UBR1: variants seen among roughly 807,000 people sequenced by gnomAD.
UBR1 encodes ubiquitin protein ligase E3 component n-recognin 1.
UBR1 carries 102 observed loss-of-function variants against 242.1 expected under a neutral mutation model. That is an observed-to-expected ratio of 0.42 (90% CI 0.36 to 0.50). The LOEUF is 0.50. Among genes scored for constraint, UBR1 ranks in the 20% least tolerant of loss-of-function variants. The pLI, the probability that UBR1 is intolerant of heterozygous loss-of-function variation, is 0.01. For missense variants in UBR1, 1,772 were observed against 2,101.8 expected (o/e 0.84, Z 3.07); for synonymous variants, 675 against 684.8 (o/e 0.99, Z 0.22).
intron 39 of UBR1, among the ~76,000 whole-genome samples, chr15:42,974,071 G>A (rs548965553): frequency 9.6e-4 from 146 of 151,896 alleles, no homozygotes; most frequent in African/African-American, 3.3e-3. Context: ...TGTATTTTTA[G>A]TAGAGACCGT....
intron 38 of UBR1, 100 bp from the exon 39 acceptor site, chr15:42,976,967 TTGTG>T (rs958989544): frequency 1.9e-5 from 25 of 1,285,962 alleles, no homozygotes; most frequent in African/African-American, 1.5e-4. Context: ...TACACAGTGT[TTGTG>T]TGTGTGTTTT....
intron 44 of UBR1, among the ~76,000 whole-genome samples, chr15:42,956,648 T>C (rs1366662297): frequency 6.6e-6 from 1 of 152,172 alleles, no homozygotes; most frequent in Non-Finnish European, 1.5e-5. Context: ...TTTGGAACTC[T>C]GGAGCCTGGT....
chr15:42,989,231 A>G (rs568229223), intron 34 of UBR1, among the ~76,000 whole-genome samples: 1 of 152,384 alleles, frequency 6.6e-6, no homozygotes, highest in Non-Finnish European at 1.5e-5. Context: ...TAAAAGATGC[A>G]GCAAATGCTC....
intron 29 of UBR1, among the ~76,000 whole-genome samples, chr15:43,010,902 A>C (rs2141292429): frequency 6.6e-6 from 1 of 151,922 alleles, no homozygotes; most frequent in Admixed American, 6.6e-5. Context: ...AGAAGGGAGA[A>C]TCGCTTGAAC....
intron 32 of UBR1, among the ~76,000 whole-genome samples, chr15:42,998,481 C>T (rs747907944): frequency 3.9e-5 from 6 of 152,150 alleles, no homozygotes; most frequent in Non-Finnish European, 5.9e-5. Context: ...ACCCACATGC[C>T]AATCACCCAC....
intron 1 of UBR1, among the ~76,000 whole-genome samples, chr15:43,088,067 CTG>C (rs1173046388): frequency 6.6e-6 from 1 of 152,202 alleles, no homozygotes; most frequent in African/African-American, 2.4e-5. Context: ...TTAGCGTTCA[CTG>C]TGTTAACTTT....
intron 39 of UBR1, 70 bp downstream of exon 39, chr15:42,976,647 G>T: frequency 6.5e-7 from 1 of 1,547,826 alleles, no homozygotes; most frequent in South Asian, 1.1e-5. Flanking sequence ...ATAATCACAA[G>T]AATAATTAAT....
chr15:42,997,695 T>C (rs981966739), intron 33 of UBR1, among the ~76,000 whole-genome samples: 7 of 152,254 alleles, frequency 4.6e-5, no homozygotes, highest in African/African-American at 1.4e-4. Flanking sequence ...ATGGCTAACA[T>C]GTAGCACTTA....
Position 42,950,244 on chromosome 15 carries a change from A to C in UBR1, c.5108+18T>G. The C allele has an allele frequency of 1.2e-6, 2 of 1,603,670 alleles. No individual in the cohort carries two copies. The highest frequency in any genetic ancestry group is 1.7e-6 in the Non-Finnish European group (2 of 1,170,490). The stretch of plus-strand genomic sequence containing the variant: ...GAGAACTTACTGAAACCTTCCTATT[A>C]TATAAAAAAAATCTTACTTCAGGCC... On this transcript the variant is annotated intron_variant, in intron 46 of 46. Transcript: ENST00000290650.
chr15:43,021,635 C>T (rs2141302611), intron 26 of UBR1, among the ~76,000 whole-genome samples: 1 of 151,998 alleles, frequency 6.6e-6, no homozygotes, highest in Non-Finnish European at 1.5e-5. Flanking sequence ...GGAATAATGA[C>T]AAGAAAAAAA....
At chr15:43,069,052 T>G (rs1039904356) in intron 5 of UBR1, among the ~76,000 whole-genome samples, 1 of 152,224 alleles carries the variant, frequency 6.6e-6, no homozygotes, top group Non-Finnish European at 1.5e-5. Flanking sequence ...GTGATACTGG[T>G]ATTAATGTAC....
chr15:43,062,818 A>C (rs2033704850), intron 6 of UBR1, among the ~76,000 whole-genome samples: 2 of 152,266 alleles, frequency 1.3e-5, no homozygotes, highest in South Asian at 2.1e-4. Context: ...CAGTGTTTTT[A>C]AAATACGTGG....
At position 43,077,139 on chromosome 15, in the gene UBR1, G is replaced by A. The variant is rs1225794763; in HGVS notation, c.418-2050C>T. On this transcript the variant is annotated intron_variant, in intron 3 of 46. Coordinates refer to ENST00000290650, the MANE Select transcript of UBR1 (RefSeq NM_174916.3). ...AGCCCCTCTGCCCGGCCACGACCCC[G>A]TCTGGGAGGTGTGCCCAGCGGCTCA... is the stretch of plus-strand genomic sequence containing the variant. 3.4e-5 allele frequency among the ~76,000 whole-genome samples: 5 copies of A among 145,654 alleles called. No individual in the cohort carries two copies. The East Asian group carries it at 8.6e-4, about 25-fold the overall frequency.
At chr15:42,968,305 A>T (rs2032145209) in intron 40 of UBR1, among the ~76,000 whole-genome samples, 1 of 152,124 alleles carries the variant, frequency 6.6e-6, no homozygotes, top group South Asian at 2.1e-4. Flanking sequence ...TTTACTTCAA[A>T]GTAAAATCAT....
chr15:42,958,128 A>G (rs1487523991), intron 43 of UBR1, 38 bp from the exon 44 acceptor site: 1 of 1,495,920 alleles, frequency 6.7e-7, no homozygotes, highest in Non-Finnish European at 9.3e-7. Context: ...ATTTTAGAGT[A>G]AATAACCCCA....
intron 6 of UBR1, among the ~76,000 whole-genome samples, chr15:43,066,045 C>T (rs2033748693): frequency 6.6e-6 from 1 of 152,074 alleles, no homozygotes; most frequent in Non-Finnish European, 1.5e-5. Flanking sequence ...TTTGCCCATG[C>T]CTATGGTCCT....
In UBR1 at chr15:43,060,034, C is replaced by A. The variant is rs201531432; in HGVS notation, c.861+18G>T. ...TTCATCTTTAACTTCTCTTTTTCCC[C>A]CTAATTCAGAAAGTTACCTTTATAT... On this transcript the variant is annotated intron_variant, in intron 7 of 46. Coordinates refer to ENST00000290650, the MANE Select transcript of UBR1 (RefSeq NM_174916.3). The A allele has an allele frequency of 3.0e-5, 48 of 1,613,154 alleles. No homozygotes were observed. The African/African-American group carries it at 5.9e-4, about 20-fold the overall frequency.
intron 15 of UBR1, 109 bp from the exon 16 acceptor site, chr15:43,038,341 G>C: frequency 9.6e-7 from 1 of 1,037,572 alleles, no homozygotes; most frequent in Non-Finnish European, 1.5e-6. Context: ...GGGCGCGGTG[G>C]CTCATGCCTG....
chr15:43,055,015 T>C (rs1168243558), intron 11 of UBR1, 116 bp from the exon 12 acceptor site: 3 of 1,220,794 alleles, frequency 2.5e-6, no homozygotes, highest in Non-Finnish European at 3.5e-6. Context: ...TGTTATTGAA[T>C]GTTAAACACA....
Sources: gnomAD v4.1 joint callset for allele counts (sites outside exome capture counted in the v4.1 genomes callset) on GRCh38, gnomAD v4.1.1 for gene constraint, MANE v1.5 for transcripts, NCBI Gene and HGNC (gene_info 2026-07-23, HGNC 2026-07-21) for gene names.